TMEM114: variants seen among roughly 807,000 people sequenced by gnomAD.
TMEM114 encodes transmembrane protein 114.
TMEM114 carries 6 observed loss-of-function variants against 6.2 expected under a neutral mutation model. That is an observed-to-expected ratio of 0.97 (90% CI 0.53 to 1.91). TMEM114 has a LOEUF of 1.91. Among genes scored for constraint, TMEM114 ranks in the 40% most tolerant of loss-of-function variants. The probability of loss-of-function intolerance (pLI) is 0.01; values close to 1 mark genes in which losing one functional copy is unlikely to be tolerated. For missense variants in TMEM114, 218 were observed against 158.3 expected, an observed-to-expected ratio of 1.38 and a Z score of -2.02; for synonymous variants, 104 against 73.0, an observed-to-expected ratio of 1.42 and a Z score of -2.16.
At chr16:8,528,175 A>G in the TMEM114 span, among the ~76,000 whole-genome samples, 1 of 152,168 alleles carries the variant, frequency 6.6e-6, no homozygotes, top group African/African-American at 2.4e-5. Context: ...TGCTAGAACT[A>G]CAGGTTTGAG....
intron 2 of TMEM114, among the ~76,000 whole-genome samples, chr16:8,557,791 G>A (rs1026556644): frequency 3.3e-5 from 5 of 152,150 alleles, no homozygotes; most frequent in African/African-American, 9.7e-5. Flanking sequence ...AAGATAAAGC[G>A]CCATCATCAT....
At chr16:8,559,167 T>G (rs1474813635) in intron 2 of TMEM114, among the ~76,000 whole-genome samples, 2 of 152,222 alleles carry the variant, frequency 1.3e-5, no homozygotes, top group African/African-American at 4.8e-5. Context: ...CTCAGCCTCC[T>G]GGTTAGCTGG....
At chr16:8,543,663 C>A (rs572579064) in intron 2 of TMEM114, among the ~76,000 whole-genome samples, 1 of 152,220 alleles carries the variant, frequency 6.6e-6, no homozygotes, top group South Asian at 2.1e-4. Context: ...CCTTGGGCTC[C>A]TAGAGCCTCC....
chr16:8,546,750 A>G (rs568589221), intron 2 of TMEM114, among the ~76,000 whole-genome samples: 1 of 152,320 alleles, frequency 6.6e-6, no homozygotes, highest in East Asian at 1.9e-4. Context: ...CAGGTTCCCC[A>G]TGACAACAGC....
chr16:8,562,692 ATGAG>A (rs961881212), intron 2 of TMEM114, among the ~76,000 whole-genome samples: 4 of 145,154 alleles, frequency 2.8e-5, no homozygotes, highest in African/African-American at 5.2e-5. Context: ...GAGTGAGGGA[ATGAG>A]TGAGTGAGTA....
chr16:8,540,745 G>T (rs1900494019), intron 2 of TMEM114, among the ~76,000 whole-genome samples: 1 of 152,178 alleles, frequency 6.6e-6, no homozygotes, highest in Admixed American at 6.5e-5. Flanking sequence ...CAGACTGGTG[G>T]GAGAGATGGA....
chr16:8,556,587 C>CA (rs1901016670), intron 2 of TMEM114, among the ~76,000 whole-genome samples: 2 of 152,022 alleles, frequency 1.3e-5, no homozygotes, highest in South Asian at 4.2e-4. Flanking sequence ...CTGCAACCTC[C>CA]GCCTCCCGAG....
At chr16:8,544,435 C>T (rs1324858765) in intron 2 of TMEM114, among the ~76,000 whole-genome samples, 1 of 152,160 alleles carries the variant, frequency 6.6e-6, no homozygotes, top group Non-Finnish European at 1.5e-5. Context: ...GATATTTGAG[C>T]AGGGTCTTAA....
At chr16:8,570,524 G>A (rs1057300636) in intron 3 of TMEM114, among the ~76,000 whole-genome samples, 1 of 152,052 alleles carries the variant, frequency 6.6e-6, no homozygotes, top group South Asian at 2.1e-4. Context: ...TAGAGACAGG[G>A]TTTCACCATA....
intron 2 of TMEM114, among the ~76,000 whole-genome samples, chr16:8,547,992 C>A (rs117215397): frequency 0.011 from 1,661 of 152,168 alleles, 8 homozygotes; most frequent in Middle Eastern, 0.034. Context: ...GTGATAGAAA[C>A]GTCAGGAACA....
intron 2 of TMEM114, among the ~76,000 whole-genome samples, chr16:8,538,966 C>A (rs1054903627): frequency 5.3e-5 from 8 of 152,106 alleles, no homozygotes; most frequent in African/African-American, 1.9e-4. Flanking sequence ...ACTGTGTCCT[C>A]CATCTCTAGT....
At chr16:8,587,106 C>G (rs1029230779) in intron 2 of TMEM114, among the ~76,000 whole-genome samples, 5 of 152,078 alleles carry the variant, frequency 3.3e-5, no homozygotes, top group African/African-American at 1.2e-4. Flanking sequence ...TAGGCAAATG[C>G]TACAAACCAG....
At chr16:8,537,037 G>A (rs1900380990), downstream of TMEM114, among the ~76,000 whole-genome samples, 1 of 151,832 alleles carries the variant, frequency 6.6e-6, no homozygotes, top group African/African-American at 2.4e-5. Flanking sequence ...GAAACCCTAT[G>A]TCTACAAAAA....
chr16:8,539,169 C>T (rs1477102913), intron 2 of TMEM114, among the ~76,000 whole-genome samples: 2 of 152,096 alleles, frequency 1.3e-5, no homozygotes, highest in African/African-American at 4.8e-5. Flanking sequence ...ATATGAATAA[C>T]GTCTGCCTGG....
chr16:8,588,144 C>G (rs1256525022), intron 2 of TMEM114, among the ~76,000 whole-genome samples: 1 of 151,702 alleles, frequency 6.6e-6, no homozygotes. Flanking sequence ...AAAATTAGCC[C>G]GACGTGGAGG....
At chr16:8,548,990 G>A (rs1216530818) in intron 2 of TMEM114, among the ~76,000 whole-genome samples, 1 of 151,706 alleles carries the variant, frequency 6.6e-6, no homozygotes, top group African/African-American at 2.4e-5. Context: ...AGACCATCCT[G>A]GCTAACACAG....
At chr16:8,537,394 G>C (rs966100087), downstream of TMEM114, among the ~76,000 whole-genome samples, 5 of 152,102 alleles carry the variant, frequency 3.3e-5, no homozygotes, top group Non-Finnish European at 5.9e-5. Flanking sequence ...CCAGCTACTT[G>C]GGAAGCTGAG....
Position 8,563,928 on chromosome 16 carries a change from A to G in TMEM114, n.212+25285T>C, listed in dbSNP as rs1038328862. On this transcript the variant is annotated intron_variant and non_coding_transcript_variant, in intron 2 of 2. Transcript: ENST00000623677. Reference sequence around the variant, plus strand: ...GAGTGAGTGAGGGAATGAGTAAATGAGTGAGTGAACGAGTAAGTAAATGAG... The same window carrying G: ...GAGTGAGTGAGGGAATGAGTAAATGGGTGAGTGAACGAGTAAGTAAATGAG... Among the ~76,000 whole-genome samples the G allele has an allele frequency of 8.2e-5, 12 of 146,764 alleles. No homozygotes were observed. In the East Asian group the frequency reaches 2.6e-3, roughly 31 times the overall value.
intron 2 of TMEM114, among the ~76,000 whole-genome samples, chr16:8,563,619 GAATGAGTGAGTGAATGAGTA>G (rs1189750509): frequency 1.3e-5 from 2 of 149,362 alleles, no homozygotes; most frequent in African/African-American, 2.6e-5. Flanking sequence ...ATGAGTGACT[GAATGAGTGAGTGAATGAGTA>G]AATGAGTGAG....
Sources: gnomAD v4.1 joint callset for allele counts (sites outside exome capture counted in the v4.1 genomes callset) on GRCh38, gnomAD v4.1.1 for gene constraint, MANE v1.5 for transcripts, NCBI Gene and HGNC (gene_info 2026-07-23, HGNC 2026-07-21) for gene names.